The following TENM4 variants were observed in gnomAD, a reference collection of about 807,000 sequenced individuals.
The protein encoded by TENM4 is teneurin transmembrane protein 4.
In TENM4, 82 loss-of-function variants were observed where a neutral mutation model predicts 243.3. That is an observed-to-expected ratio of 0.34 (90% CI 0.28 to 0.40). The LOEUF is 0.40. Among genes scored for constraint, TENM4 ranks in the 10% least tolerant of loss-of-function variants. TENM4 has a pLI of 1.00. For synonymous variants in TENM4, 1,412 were observed against 1,456.3 expected, an observed-to-expected ratio of 0.97 and a Z score of 0.69; for missense variants, 3,138 against 3,673.3, an observed-to-expected ratio of 0.85 and a Z score of 3.77.
At chr11:79,010,612 A>G (rs1256098278) in intron 6 of TENM4, among the ~76,000 whole-genome samples, 1 of 152,168 alleles carries the variant, frequency 6.6e-6, no homozygotes, top group Non-Finnish European at 1.5e-5. Flanking sequence ...CATGGATGGT[A>G]GCAGGCAAAG....
chr11:79,302,381 A>G (rs930312445), intron 1 of TENM4, among the ~76,000 whole-genome samples: 1 of 152,164 alleles, frequency 6.6e-6, no homozygotes, highest in Non-Finnish European at 1.5e-5. Flanking sequence ...CAAGAAGTCC[A>G]TGTCTCATGC....
intron 11 of TENM4, among the ~76,000 whole-genome samples, chr11:78,854,787 T>C (rs886071393): frequency 1.3e-5 from 2 of 152,202 alleles, no homozygotes; most frequent in African/African-American, 4.8e-5. Context: ...GGAACATCAG[T>C]CATGTGCAAA....
chr11:79,220,454 A>G (rs1163224790), intron 2 of TENM4, among the ~76,000 whole-genome samples: 1 of 152,158 alleles, frequency 6.6e-6, no homozygotes. Flanking sequence ...AGCTTTTTAC[A>G]TTTCTTTATT....
At chr11:78,836,962 A>C (rs1858131130) in intron 12 of TENM4, among the ~76,000 whole-genome samples, 1 of 152,206 alleles carries the variant, frequency 6.6e-6, no homozygotes. Flanking sequence ...TGGCAGGAAG[A>C]CTTTTGCTCA....
Position 78,767,972 on chromosome 11 carries a change from G to T in TENM4, c.2539+3020C>A, listed in dbSNP as rs552124775. Among the ~76,000 whole-genome samples the T allele has an allele frequency of 9.2e-5, 14 of 152,278 alleles. No individual in the cohort carries two copies. In the South Asian group the frequency reaches 1.0e-3, roughly 11 times the overall value. On this transcript the variant is annotated intron_variant, in intron 18 of 33. Coordinates refer to ENST00000278550, the MANE Select transcript of TENM4 (RefSeq NM_001098816.3). ...TGTAGATAGCATGAGCCCTACAAAG[G>T]TGTGCTTGGCTGAACTGAAAGTAGC...
At chr11:79,434,504 G>A (rs1859231663) in intron 1 of TENM4, among the ~76,000 whole-genome samples, 1 of 152,110 alleles carries the variant, frequency 6.6e-6, no homozygotes, top group Non-Finnish European at 1.5e-5. Context: ...ACAACGCTGA[G>A]GAACATATTT....
intron 3 of TENM4, among the ~76,000 whole-genome samples, chr11:79,215,177 C>T (rs1019483678): frequency 3.3e-5 from 5 of 152,158 alleles, no homozygotes; most frequent in African/African-American, 1.2e-4. Context: ...GTACCATGTT[C>T]CTCCTCTAGC....
At chr11:79,303,609 A>G (rs1012236567) in intron 1 of TENM4, among the ~76,000 whole-genome samples, 5 of 152,312 alleles carry the variant, frequency 3.3e-5, no homozygotes, top group Admixed American at 1.3e-4. Flanking sequence ...TTATAGATAG[A>G]AACTGGGGGT....
At chr11:78,909,571 C>T (rs1040638496) in intron 6 of TENM4, among the ~76,000 whole-genome samples, 2 of 152,218 alleles carry the variant, frequency 1.3e-5, no homozygotes, top group African/African-American at 4.8e-5. Context: ...ACATACTGAG[C>T]ACTTTCCAAG....
intron 12 of TENM4, among the ~76,000 whole-genome samples, chr11:78,840,181 A>T (rs139973431): frequency 2.0e-5 from 3 of 152,348 alleles, no homozygotes; most frequent in East Asian, 3.9e-4. Context: ...AATAGCGTGC[A>T]CTTACAGGCC....
Position 79,229,553 on chromosome 11 carries a change from A to G in TENM4, c.-264-13644T>C, listed in dbSNP as rs550313712. ...TCTTGGGAGCCTTCTTTGATCCACC[A>G]CTCCAAATGTAATTGAACCCTGTCT... is the stretch of plus-strand genomic sequence containing the variant. On this transcript the variant is annotated intron_variant, in intron 2 of 33. Coordinates refer to ENST00000278550, the MANE Select transcript of TENM4 (RefSeq NM_001098816.3). Among the ~76,000 whole-genome samples, 96 of 151,762 alleles carry G rather than the reference A, an allele frequency of 6.3e-4. 2 individuals are homozygous for G. The South Asian group carries it at 0.02, about 31-fold the overall frequency.
intron 12 of TENM4, among the ~76,000 whole-genome samples, chr11:78,819,195 G>T (rs1857672809): frequency 6.6e-6 from 1 of 152,122 alleles, no homozygotes; most frequent in Non-Finnish European, 1.5e-5. Flanking sequence ...ACCCACAGAG[G>T]CCTCAGGGAA....
intron 1 of TENM4, among the ~76,000 whole-genome samples, chr11:79,327,746 G>T (rs182474177): frequency 7.0e-6 from 1 of 142,086 alleles, no homozygotes; most frequent in East Asian, 2.1e-4. Context: ...GTGGCGAAAA[G>T]AAATCTAAGT....
intron 15 of TENM4, among the ~76,000 whole-genome samples, chr11:78,788,114 C>T (rs1256519582): frequency 6.6e-6 from 1 of 152,174 alleles, no homozygotes; most frequent in Non-Finnish European, 1.5e-5. Flanking sequence ...TTAGCTGGCA[C>T]CTCTGTCAAG....
chr11:78,995,864 A>T (rs1449122040), intron 6 of TENM4, among the ~76,000 whole-genome samples: 3 of 152,124 alleles, frequency 2.0e-5, no homozygotes, highest in Admixed American at 2.0e-4. Context: ...AGCTCTCTGA[A>T]TTTTAGGTTC....
chr11:79,260,304 G>A (rs1855774308), intron 2 of TENM4, among the ~76,000 whole-genome samples: 2 of 152,134 alleles, frequency 1.3e-5, no homozygotes, highest in African/African-American at 2.4e-5. Context: ...CCCTGATTGC[G>A]AGTGCTTCCT....
intron 6 of TENM4, among the ~76,000 whole-genome samples, chr11:78,938,717 CA>C (rs1225223515): frequency 6.6e-6 from 1 of 152,158 alleles, no homozygotes; most frequent in Non-Finnish European, 1.5e-5. Flanking sequence ...CCAAGCAGAG[CA>C]GACCATCATC....
At chr11:79,053,220 G>A (rs1859847022) in intron 6 of TENM4, among the ~76,000 whole-genome samples, 1 of 152,168 alleles carries the variant, frequency 6.6e-6, no homozygotes, top group South Asian at 2.1e-4. Flanking sequence ...CAAGTTCATG[G>A]TTAGTTAGTT....
At chr11:79,189,769 C>T (rs1010974626) in intron 3 of TENM4, among the ~76,000 whole-genome samples, 2 of 152,182 alleles carry the variant, frequency 1.3e-5, no homozygotes, top group South Asian at 2.1e-4. Flanking sequence ...CCACAGCTGG[C>T]AAGAATAATA....
Sources: allele counts gnomAD v4.1 joint callset (sites outside exome capture counted in the v4.1 genomes callset), GRCh38; gene constraint gnomAD v4.1.1; transcripts MANE v1.5; gene names NCBI Gene and HGNC (gene_info 2026-07-23, HGNC 2026-07-21).